DNAJC13: variants seen among roughly 807,000 people sequenced by gnomAD.
DNAJC13 encodes the protein DnaJ heat shock protein family (Hsp40) member C13, also known as dnaJ homolog subfamily C member 13.
DNAJC13 carries 75 observed loss-of-function variants against 290.5 expected under a neutral mutation model. The ratio of observed to expected loss-of-function variants is 0.26; its 90% CI spans 0.21 to 0.31. The LOEUF is 0.31. Ranked by LOEUF, DNAJC13 falls within the 10% of genes least tolerant of loss-of-function variation. The pLI is 1.00. For missense variants in DNAJC13, 2,260 were observed against 2,674.5 expected, an observed-to-expected ratio of 0.85 and a Z score of 3.42; for synonymous variants, 862 against 892.0, an observed-to-expected ratio of 0.97 and a Z score of 0.60.
intron 16 of DNAJC13, among the ~76,000 whole-genome samples, chr3:132,463,418 A>G (rs1340078132): frequency 6.6e-6 from 1 of 152,226 alleles, no homozygotes; most frequent in Non-Finnish European, 1.5e-5. Context: ...TGGCAGCTAT[A>G]CACAGAGGGA....
At chr3:132,421,105 G>GA (rs1426303367) in intron 1 of DNAJC13, among the ~76,000 whole-genome samples, 1 of 152,126 alleles carries the variant, frequency 6.6e-6, no homozygotes. Context: ...GTAGTAGAAG[G>GA]AAAAAAAGTT....
chr3:132,463,931 T>G, intron 17 of DNAJC13, 114 bp downstream of exon 17: 1 of 1,203,264 alleles, frequency 8.3e-7, no homozygotes, highest in Admixed American at 2.8e-5. Flanking sequence ...TTTCTTTTGA[T>G]CCACCTAGTT....
intron 2 of DNAJC13, among the ~76,000 whole-genome samples, chr3:132,440,188 C>T (rs13083626): frequency 0.13 from 19,266 of 152,066 alleles, 1,385 homozygotes; most frequent in South Asian, 0.23. Context: ...ACCCAGGAGG[C>T]GGAGGTTGCA....
chr3:132,516,605 G>A (rs1035457555), intron 47 of DNAJC13, 99 bp from the exon 48 acceptor site: 7 of 1,532,498 alleles, frequency 4.6e-6, no homozygotes, highest in Non-Finnish European at 5.3e-6. Flanking sequence ...AATGTTTACA[G>A]TTTTTAAAAA....
intron 1 of DNAJC13, among the ~76,000 whole-genome samples, chr3:132,427,119 GTA>G (rs770455260): frequency 2.5e-5 from 3 of 120,916 alleles, no homozygotes; most frequent in East Asian, 2.3e-4. Flanking sequence ...GTGTGTGTGT[GTA>G]TATATATATA....
At chr3:132,419,864 C>T (rs947417463) in intron 1 of DNAJC13, among the ~76,000 whole-genome samples, 1 of 152,156 alleles carries the variant, frequency 6.6e-6, no homozygotes, top group African/African-American at 2.4e-5. Flanking sequence ...AATAAAGGCT[C>T]CCTTTTTATA....
chr3:132,536,803 G>A (rs541194878), intron 55 of DNAJC13, among the ~76,000 whole-genome samples: 63 of 152,162 alleles, frequency 4.1e-4, no homozygotes, highest in Non-Finnish European at 1.9e-4. Flanking sequence ...CTGGCATCCT[G>A]ATTGGCTCAA....
In DNAJC13 at chr3:132,507,300, G is replaced by A. The variant is rs757344067; in HGVS notation, c.5062G>A (p.Val1688Ile). The change falls in exon 43 of 56, where the codon GTA becomes ATA. Residue 1688 changes from valine to isoleucine, a missense_variant. By Grantham distance (29) the Val-to-Ile change is conservative (BLOSUM62 3). Around this residue, in one of 3 missense-constraint regions of DNAJC13, gnomAD observed 1,494 missense variants for 1,693.7 expected, o/e 0.88. Coordinates refer to ENST00000260818, the MANE Select transcript of DNAJC13 (RefSeq NM_015268.4). ...CAGTGATCATGCCAAAGAACTTATTGTAGGGGAGATTTTTGTTAGGGTGTA... is the reference window on the plus strand; with the variant it reads ...CAGTGATCATGCCAAAGAACTTATTATAGGGGAGATTTTTGTTAGGGTGTA... The part of the protein sequence containing the change: ...VYSDHAKELI[V>I]GEIFVRVYNE... 9.9e-6 allele frequency: 16 copies of A among 1,613,404 alleles called. No individual in the cohort carries two copies. The highest frequency in any genetic ancestry group is 1.4e-5 in the Non-Finnish European group (16 of 1,179,570).
intron 17 of DNAJC13, among the ~76,000 whole-genome samples, chr3:132,464,609 A>ATT (rs552840100): frequency 2.0e-5 from 3 of 149,652 alleles, no homozygotes; most frequent in Admixed American, 6.7e-5. Context: ...CTTGCCAGGG[A>ATT]TTTTTTTTTT....
chr3:132,489,535 T>G (rs1020856309), intron 31 of DNAJC13, among the ~76,000 whole-genome samples: 1 of 152,090 alleles, frequency 6.6e-6, no homozygotes, highest in African/African-American at 2.4e-5. Flanking sequence ...CTAAACTTAA[T>G]GCCTACATTT....
At chr3:132,480,243 G>A (rs1351592852) in intron 25 of DNAJC13, 126 bp from the exon 26 acceptor site, 1 of 536,934 alleles carries the variant, frequency 1.9e-6, no homozygotes, top group East Asian at 3.1e-5. Context: ...TATTTCCAAG[G>A]ACTCCAAACA....
chr3:132,484,818 C>G (rs1934799315), intron 29 of DNAJC13, 146 bp downstream of exon 29: 1 of 718,130 alleles, frequency 1.4e-6, no homozygotes, highest in Admixed American at 2.5e-5. Flanking sequence ...CCTCCAATCC[C>G]AGCACTTTGG....
Position 132,432,000 on chromosome 3 carries a change from A to T in DNAJC13, c.-13-2538A>T, listed in dbSNP as rs891598003. 2.6e-5 allele frequency among the ~76,000 whole-genome samples: 4 copies of T among 152,250 alleles called. No homozygotes were observed. The South Asian group carries it at 6.2e-4, about 24-fold the overall frequency. On this transcript the variant is annotated intron_variant, in intron 1 of 55. Coordinates refer to ENST00000260818, the MANE Select transcript of DNAJC13 (RefSeq NM_015268.4). ...AATTGTATACTTTTTAAAAGAGTGAATTTGTGGTATGTGAATTATGTCTCA... is the reference window on the plus strand; with the variant it reads ...AATTGTATACTTTTTAAAAGAGTGATTTTGTGGTATGTGAATTATGTCTCA...
chr3:132,538,446 T>TA lies in DNAJC13; in HGVS notation c.*164_*165insA. ...AGGAAAAAAAGTCAGTGATCCTAAT[T>TA]GTATCACATTATAAGAAAGCACTCT... On this transcript the variant is annotated 3_prime_UTR_variant, in exon 56 of 56. Coordinates refer to ENST00000260818, the MANE Select transcript of DNAJC13 (RefSeq NM_015268.4). The TA allele has an allele frequency of 1.8e-6, 1 of 570,652 alleles. No individual in the cohort carries two copies. Among genetic ancestry groups the TA allele is most frequent in the Non-Finnish European group, 3.0e-6 (1 of 332,834 alleles). 35.3% of individuals were successfully genotyped at this position (570,652 alleles called of 1,614,324 possible).
chr3:132,472,427 A>C, intron 20 of DNAJC13: 1 of 351,516 alleles, frequency 2.8e-6, no homozygotes, highest in Non-Finnish European at 4.0e-6. Flanking sequence ...TTAGAGAAGC[A>C]GGTGCACCTA....
chr3:132,538,304 ACG>A lies in DNAJC13; in HGVS notation c.*24_*25del, dbSNP rs1479360742. 1 of 1,597,372 alleles carries A rather than the reference ACG, an allele frequency of 6.3e-7. No homozygotes were observed. On this transcript the variant is annotated 3_prime_UTR_variant, in exon 56 of 56. Coordinates refer to ENST00000260818, the MANE Select transcript of DNAJC13 (RefSeq NM_015268.4). The stretch of plus-strand genomic sequence containing the variant: ...TTGAAATATTCACGAGAGACAATAA[ACG>A]CTGAAAGGCCAGTGCCAAGTCCACA...
At chr3:132,521,699 A>G (rs1042152860) in intron 48 of DNAJC13, among the ~76,000 whole-genome samples, 15 of 152,202 alleles carry the variant, frequency 9.9e-5, no homozygotes, top group Non-Finnish European at 1.8e-4. Flanking sequence ...GGACATACTT[A>G]ATCACTTTGT....
chr3:132,488,976 A>G lies in DNAJC13; in HGVS notation c.3423A>G (p.Arg1141=). 6.2e-7 allele frequency: 1 copy of G among 1,605,420 alleles called. No homozygotes were observed. The highest frequency in any genetic ancestry group is 1.7e-5 in the Admixed American group (1 of 59,778). Residue 1141 remains arginine, a splice_region_variant and synonymous_variant, in exon 31 of 56, where the codon CGA becomes CGG. Transcript: ENST00000260818. ...YTGSNVLPVA[R]FLKYTHTKQA... is the part of the protein sequence containing the mutation. ...ATAGATAATTCATTTTTCTTTCTAG[A>G]TTTTTGAAATACACACATACCAAAC...
intron 26 of DNAJC13, 83 bp downstream of exon 26, chr3:132,480,553 A>G (rs1320956451): frequency 4.9e-6 from 5 of 1,030,890 alleles, no homozygotes; most frequent in Non-Finnish European, 7.3e-6. Flanking sequence ...AAATCTGAAA[A>G]GATGTGGTCA....
Sources: gnomAD v4.1 joint callset for allele counts (sites outside exome capture counted in the v4.1 genomes callset) on GRCh38, gnomAD v4.1.1 for gene constraint, gnomAD v4.1.1 regional missense constraint, MANE v1.5 for transcripts, NCBI Gene and HGNC (gene_info 2026-07-23, HGNC 2026-07-21) for gene names.